STAB2: variants seen among roughly 807,000 people sequenced by gnomAD.
The protein encoded by STAB2 is stabilin-2.
STAB2 carries 288 observed loss-of-function variants against 338.1 expected under a neutral mutation model. The ratio of observed to expected loss-of-function variants is 0.85; its 90% CI spans 0.77 to 0.94. The LOEUF is 0.94. Among genes scored for constraint, STAB2 ranks in the 40% least tolerant of loss-of-function variants. STAB2 has a pLI of 0.00. For synonymous variants in STAB2, 1,202 were observed against 1,193.3 expected (o/e 1.01, Z -0.15); for missense variants, 3,141 against 3,210.1 (o/e 0.98, Z 0.52).
chr12:103,750,335 A>C (rs1883514346), intron 59 of STAB2, among the ~76,000 whole-genome samples: 2 of 152,226 alleles, frequency 1.3e-5, no homozygotes, highest in South Asian at 4.1e-4. Context: ...AAAGCTACTT[A>C]TGTAGGGTGG....
chr12:103,612,358 A>G (rs1461414275), intron 3 of STAB2, among the ~76,000 whole-genome samples: 1 of 152,158 alleles, frequency 6.6e-6, no homozygotes, highest in East Asian at 1.9e-4. Context: ...ACATAGTCCC[A>G]TATTTCTTGG....
intron 53 of STAB2, 86 bp downstream of exon 53, chr12:103,737,866 C>G: frequency 6.5e-7 from 1 of 1,539,600 alleles, no homozygotes. Flanking sequence ...GTTGTGAAAC[C>G]ATTAAGGGCC....
rs1882423288 is a variant in STAB2, at chr12:103,739,575, CCGTGCA to C, written c.5754+111_5754+116del. On this transcript the variant is annotated intron_variant, in intron 54 of 68. Transcript: ENST00000388887. ...TGTGTGTGTGTGTGTGTGTGTGTGCCCGTGCACGTATGTTGCATAAATGTAATTTAT... is the reference window on the plus strand; with the variant it reads ...TGTGTGTGTGTGTGTGTGTGTGTGCCCGTATGTTGCATAAATGTAATTTAT... 5 of 615,560 alleles carry C rather than the reference CCGTGCA, an allele frequency of 8.1e-6. No individual in the cohort carries two copies. The African/African-American group carries it at 1.2e-4, about 15-fold the overall frequency. The allele number at this position is 615,560 out of a possible 1,614,324, so 38.1% of individuals were successfully genotyped here.
intron 3 of STAB2, among the ~76,000 whole-genome samples, chr12:103,603,132 G>A (rs1305368): frequency 0.32 from 48,927 of 151,920 alleles, 10,040 homozygotes; most frequent in African/African-American, 0.58. Context: ...GTGCAGTGGC[G>A]CGATCTCGGC....
chr12:103,729,228 C>A (rs181528712), intron 48 of STAB2, among the ~76,000 whole-genome samples: 4 of 152,202 alleles, frequency 2.6e-5, no homozygotes, highest in African/African-American at 9.6e-5. Context: ...GGGAGAGGAT[C>A]ATGAAAAATA....
intron 6 of STAB2, among the ~76,000 whole-genome samples, chr12:103,635,199 C>G (rs1427271742): frequency 6.6e-6 from 1 of 152,224 alleles, no homozygotes; most frequent in East Asian, 1.9e-4. Context: ...GTATCTCCCT[C>G]AGGAGCAAAG....
At position 103,705,660 on chromosome 12, in the gene STAB2, C is replaced by T. The variant is rs2138977647; in HGVS notation, c.3929C>T (p.Thr1310Ile). The T allele has an allele frequency of 1.9e-6, 3 of 1,614,170 alleles. No individual in the cohort carries two copies. The highest frequency in any genetic ancestry group is 2.5e-6 in the Non-Finnish European group (3 of 1,180,010). Reference sequence around the variant, plus strand: ...AATGAGAAGAGGAGATGCATCTATACCTCCTATTTCATGGGAAGACGAACC... The same window carrying T: ...AATGAGAAGAGGAGATGCATCTATATCTCCTATTTCATGGGAAGACGAACC... Reference protein sequence around the residue: ...LGNEKRRCIYTSYFMGRRTLF... With the variant: ...LGNEKRRCIYISYFMGRRTLF... The change falls in exon 37 of 69, where the codon ACC becomes ATC. Residue 1310 changes from threonine (T) to isoleucine (I), a missense_variant. Physicochemically the swap from Thr to Ile is moderately conservative, Grantham distance 89. Transcript: ENST00000388887.
intron 22 of STAB2, 138 bp from the exon 23 acceptor site, chr12:103,673,769 C>A: frequency 1.1e-6 from 1 of 921,412 alleles, no homozygotes; most frequent in Non-Finnish European, 1.6e-6. Flanking sequence ...AAGTCTTCTC[C>A]CGGCTCAGCC....
intron 3 of STAB2, among the ~76,000 whole-genome samples, chr12:103,617,172 A>G (rs1409705427): frequency 6.6e-6 from 1 of 152,190 alleles, no homozygotes; most frequent in Non-Finnish European, 1.5e-5. Flanking sequence ...TTCCCCTGAC[A>G]ACCCTTATCC....
intron 5 of STAB2, among the ~76,000 whole-genome samples, chr12:103,626,140 T>C (rs1957377698): frequency 1.3e-5 from 2 of 152,236 alleles, no homozygotes; most frequent in Non-Finnish European, 2.9e-5. Flanking sequence ...TGGATTCCAA[T>C]AGAACTTTCT....
intron 63 of STAB2, among the ~76,000 whole-genome samples, chr12:103,757,460 A>G (rs1231714127): frequency 6.6e-6 from 1 of 152,218 alleles, no homozygotes; most frequent in African/African-American, 2.4e-5. Context: ...CAATAAATGG[A>G]ACAAACACGT....
chr12:103,740,700 G>C lies in STAB2; in HGVS notation c.5825G>C (p.Ser1942Thr). 6.2e-7 allele frequency: 1 copy of C among 1,609,508 alleles called. No homozygotes were observed. Among genetic ancestry groups the C allele is most frequent in the Non-Finnish European group, 8.5e-7 (1 of 1,178,410 alleles). Residue 1942 changes from serine (S) to threonine (T), a missense_variant, in exon 55 of 69, where the codon AGC becomes ACC. By Grantham distance (58) the Ser-to-Thr change is moderately conservative (BLOSUM62 1). Coordinates refer to ENST00000388887, the MANE Select transcript of STAB2 (RefSeq NM_017564.10). ...CTGGAAGGCTGCCGGGAGCGGTGCA[G>C]CCTGGTGATACAGATCCCCAGGTGC... ...RNLEGCRERCSLVIQIPRCCK... is the reference protein window; with the variant it reads ...RNLEGCRERCTLVIQIPRCCK...
At chr12:103,752,863 A>G (rs1883786728) in intron 60 of STAB2, among the ~76,000 whole-genome samples, 1 of 152,240 alleles carries the variant, frequency 6.6e-6, no homozygotes, top group Non-Finnish European at 1.5e-5. Flanking sequence ...AAAGAATGTC[A>G]AATTATATCA....
In STAB2 at chr12:103,667,931, G is replaced by T. The variant is rs79025347; in HGVS notation, c.2086-712G>T. Among the ~76,000 whole-genome samples the T allele has an allele frequency of 3.2e-4, 49 of 152,308 alleles. No individual in the cohort carries two copies. In the East Asian group the frequency reaches 7.1e-3, roughly 22 times the overall value. The stretch of plus-strand genomic sequence containing the variant: ...AGGCCCACAGAGGCTACATGACTGT[G>T]ATCCTAAAGTCTGTACGTGATAAGA... On this transcript the variant is annotated intron_variant, in intron 19 of 68. Transcript: ENST00000388887.
intron 4 of STAB2, among the ~76,000 whole-genome samples, chr12:103,621,032 G>A (rs1415274278): frequency 6.6e-6 from 1 of 152,146 alleles, no homozygotes; most frequent in Non-Finnish European, 1.5e-5. Flanking sequence ...AGGAGGCAGA[G>A]GTTGCAGTGA....
chr12:103,591,788 C>T (rs1956801914), intron 2 of STAB2, among the ~76,000 whole-genome samples: 1 of 152,174 alleles, frequency 6.6e-6, no homozygotes, highest in African/African-American at 2.4e-5. Context: ...TCTGATAACT[C>T]AAGGCTAATT....
intron 3 of STAB2, among the ~76,000 whole-genome samples, chr12:103,608,359 G>T (rs1957066547): frequency 6.6e-6 from 1 of 152,056 alleles, no homozygotes; most frequent in African/African-American, 2.4e-5. Context: ...AGCCAGGATG[G>T]TCTCAATCTC....
intron 15 of STAB2, among the ~76,000 whole-genome samples, chr12:103,658,903 C>G (rs537240213): frequency 3.3e-5 from 5 of 152,310 alleles, no homozygotes; most frequent in Admixed American, 2.0e-4. Context: ...TCCCAACAGT[C>G]CCCACTTTGT....
chr12:103,713,795 C>T (rs376679185), intron 42 of STAB2, 27 bp downstream of exon 42: 34 of 1,611,916 alleles, frequency 2.1e-5, no homozygotes, highest in Non-Finnish European at 2.3e-5. Flanking sequence ...CTTCCATCGG[C>T]GAAATGGTAT....
Sources: allele counts gnomAD v4.1 joint callset (sites outside exome capture counted in the v4.1 genomes callset), GRCh38; gene constraint gnomAD v4.1.1; transcripts MANE v1.5; gene names NCBI Gene and HGNC (gene_info 2026-07-23, HGNC 2026-07-21).